TRIM16: variants seen among roughly 807,000 people sequenced by gnomAD.
The protein encoded by TRIM16 is tripartite motif-containing protein 16.
A neutral mutation model predicts 50.4 loss-of-function variants in TRIM16; 33 were observed. That is an observed-to-expected ratio of 0.65 (90% CI 0.50 to 0.88). The LOEUF is 0.88. Ranked by LOEUF, TRIM16 falls within the 40% of genes least tolerant of loss-of-function variation. The probability of loss-of-function intolerance (pLI) is 0.00; values close to 1 mark genes in which losing one functional copy is unlikely to be tolerated. For missense variants in TRIM16, 581 were observed against 686.8 expected, an observed-to-expected ratio of 0.85 and a Z score of 1.72; for synonymous variants, 229 against 270.7, an observed-to-expected ratio of 0.85 and a Z score of 1.51.
At chr17:15,669,339 G>C (rs685251) in intron 6 of TRIM16, among the ~76,000 whole-genome samples, 1 of 150,990 alleles carries the variant, frequency 6.6e-6, no homozygotes, top group Non-Finnish European at 1.5e-5. Flanking sequence ...ACATCCATAC[G>C]TCAGAACACA....
At chr17:15,678,891 T>A (rs1444737264) in intron 4 of TRIM16, among the ~76,000 whole-genome samples, 1 of 151,426 alleles carries the variant, frequency 6.6e-6, no homozygotes. Flanking sequence ...TTTTTTTTTT[T>A]TTTTGAGACG....
chr17:15,641,296 GT>G (rs2150908280), intron 8 of TRIM16, among the ~76,000 whole-genome samples: 1 of 148,974 alleles, frequency 6.7e-6, no homozygotes, highest in East Asian at 2.0e-4. Context: ...GCAGGTAATG[GT>G]TTAAAGATTT....
intron 6 of TRIM16, among the ~76,000 whole-genome samples, chr17:15,658,449 T>C (rs763560254): frequency 6.6e-5 from 10 of 152,206 alleles, no homozygotes; most frequent in East Asian, 1.9e-4. Context: ...CACAGAGCTA[T>C]GATTCACAAA....
At chr17:15,679,164 C>A (rs1597679475) in intron 4 of TRIM16, among the ~76,000 whole-genome samples, 1 of 152,160 alleles carries the variant, frequency 6.6e-6, no homozygotes, top group Non-Finnish European at 1.5e-5. Context: ...CAGGCATGAG[C>A]CACCGCATCC....
intron 9 of TRIM16, 54 bp downstream of exon 9, chr17:15,635,982 G>A (rs1986715133): frequency 2.5e-6 from 4 of 1,595,172 alleles, no homozygotes; most frequent in African/African-American, 1.4e-5. Flanking sequence ...CTAGCAAAGA[G>A]AGGGTGCTTC....
At chr17:15,676,699 T>C (rs1257048414) in intron 6 of TRIM16, among the ~76,000 whole-genome samples, 1 of 152,190 alleles carries the variant, frequency 6.6e-6, no homozygotes, top group Non-Finnish European at 1.5e-5. Flanking sequence ...CCTCCCAAAG[T>C]GCTGGGATTA....
intron 6 of TRIM16, among the ~76,000 whole-genome samples, chr17:15,657,656 G>T (rs1168100475): frequency 1.3e-5 from 2 of 152,154 alleles, no homozygotes; most frequent in African/African-American, 4.8e-5. Context: ...TTTGTGACTG[G>T]CTTATTTCAC....
chr17:15,677,328 A>C, intron 5 of TRIM16, 48 bp from the exon 6 acceptor site: 3 of 976,858 alleles, frequency 3.1e-6, no homozygotes, highest in Non-Finnish European at 3.6e-6. Flanking sequence ...AAGAGAAAGG[A>C]CCACTCTATT....
At chr17:15,633,415 G>A (rs1329534890) in intron 9 of TRIM16, among the ~76,000 whole-genome samples, 1 of 150,310 alleles carries the variant, frequency 6.7e-6, no homozygotes, top group African/African-American at 2.4e-5. Flanking sequence ...CATGACAAAA[G>A]TAGCATTTTA....
chr17:15,658,604 T>C (rs1448888312), intron 6 of TRIM16, among the ~76,000 whole-genome samples: 1 of 152,216 alleles, frequency 6.6e-6, no homozygotes, highest in Non-Finnish European at 1.5e-5. Context: ...CCTTCCTCCT[T>C]TTCTGGAATT....
intron 9 of TRIM16, among the ~76,000 whole-genome samples, chr17:15,635,380 T>A (rs960562462): frequency 3.4e-5 from 5 of 148,970 alleles, no homozygotes; most frequent in African/African-American, 1.2e-4. Flanking sequence ...TCCAATGGCT[T>A]ACGGTTTGAT....
chr17:15,640,883 C>T (rs1987085102), intron 8 of TRIM16, among the ~76,000 whole-genome samples: 1 of 148,696 alleles, frequency 6.7e-6, no homozygotes, highest in African/African-American at 2.5e-5. Context: ...CTCCCGATGA[C>T]CTCCAGAAAG....
chr17:15,675,365 C>T (rs1475952065), intron 6 of TRIM16: 1 of 161,988 alleles, frequency 6.2e-6, no homozygotes, highest in East Asian at 1.9e-4. Context: ...TGGATTTGTC[C>T]AGACATTCAG....
rs1989003660 is a variant in TRIM16, at chr17:15,677,611, C to T, written c.-479G>A. The T allele has an allele frequency of 9.5e-7, 1 of 1,052,500 alleles. No homozygotes were observed. Among genetic ancestry groups the T allele is most frequent in the Non-Finnish European group, 1.2e-6 (1 of 862,866 alleles). 65.2% of individuals were successfully genotyped at this position (1,052,500 alleles called of 1,614,324 possible). ...AGGTTCCTATAGTTCTCCAGCATTA[C>T]ATCCCTGTACAAGACTCTCTGAGCA... is the stretch of plus-strand genomic sequence containing the variant. On this transcript the variant is annotated 5_prime_UTR_variant, in exon 5 of 12. It removes an upstream start codon present in the reference 5' UTR. Transcript: ENST00000649191.
intron 6 of TRIM16, among the ~76,000 whole-genome samples, chr17:15,673,079 T>C (rs1450551189): frequency 1.3e-5 from 2 of 152,212 alleles, no homozygotes. Flanking sequence ...ATGAGGACTC[T>C]GAAGGAACAA....
chr17:15,644,306 C>T (rs1987254412), intron 7 of TRIM16, among the ~76,000 whole-genome samples: 1 of 152,112 alleles, frequency 6.6e-6, no homozygotes, highest in Non-Finnish European at 1.5e-5. Flanking sequence ...CTGCTTCAGC[C>T]TCCCGAGGAG....
intron 2 of TRIM16, 26 bp downstream of exon 2, chr17:15,683,010 C>T: frequency 1.3e-6 from 2 of 1,550,410 alleles, no homozygotes; most frequent in African/African-American, 1.4e-5. Flanking sequence ...TGGCTAATGG[C>T]AGGACCCTTT....
intron 8 of TRIM16, among the ~76,000 whole-genome samples, chr17:15,639,096 G>A (rs1379055509): frequency 7.8e-6 from 1 of 129,006 alleles, no homozygotes; most frequent in Non-Finnish European, 1.6e-5. Flanking sequence ...TCTGTTGCCA[G>A]GTTGGAGTGG....
At chr17:15,678,856 G>T (rs1407982765) in intron 4 of TRIM16, among the ~76,000 whole-genome samples, 1 of 147,044 alleles carries the variant, frequency 6.8e-6, no homozygotes, top group Non-Finnish European at 1.5e-5. Flanking sequence ...GAATATTTAC[G>T]ACTGGAGAAA....
Sources: gnomAD v4.1 joint callset for allele counts (sites outside exome capture counted in the v4.1 genomes callset) on GRCh38, gnomAD v4.1.1 for gene constraint, MANE v1.5 for transcripts, NCBI Gene and HGNC (gene_info 2026-07-23, HGNC 2026-07-21) for gene names.